Variants in EBF2 observed in about 807,000 individuals in gnomAD.
The protein encoded by EBF2 is EBF transcription factor 2, also known as transcription factor COE2.
In EBF2, 21 loss-of-function variants were observed where a neutral mutation model predicts 72.8. The observed-to-expected ratio is 0.29, with a 90% CI of 0.20 to 0.42. EBF2 has a LOEUF of 0.42. Ranked by LOEUF, EBF2 falls within the 10% of genes least tolerant of loss-of-function variation. The pLI, the probability that EBF2 is intolerant of heterozygous loss-of-function variation, is 1.00. For synonymous variants in EBF2, 299 were observed against 274.2 expected, an observed-to-expected ratio of 1.09 and a Z score of -0.89; for missense variants, 637 against 731.2, an observed-to-expected ratio of 0.87 and a Z score of 1.49.
intron 6 of EBF2, among the ~76,000 whole-genome samples, chr8:26,023,710 C>A (rs1475188812): frequency 6.6e-6 from 1 of 152,144 alleles, no homozygotes; most frequent in Middle Eastern, 3.2e-3. Flanking sequence ...CTGAGCTTCC[C>A]AGTGAACAAA....
At chr8:25,894,832 A>G (rs1354768106) in intron 7 of EBF2, among the ~76,000 whole-genome samples, 2 of 152,198 alleles carry the variant, frequency 1.3e-5, no homozygotes, top group Non-Finnish European at 2.9e-5. Flanking sequence ...TCTGCTTTAA[A>G]AGAAGCAAAT....
chr8:25,946,328 A>G (rs1803768187), intron 6 of EBF2, among the ~76,000 whole-genome samples: 1 of 152,206 alleles, frequency 6.6e-6, no homozygotes, highest in South Asian at 2.1e-4. Flanking sequence ...CAAGACCTAT[A>G]CCTTCTTCAT....
chr8:25,971,387 C>T (rs17054708), intron 6 of EBF2, among the ~76,000 whole-genome samples: 1,593 of 152,190 alleles, frequency 0.01, 11 homozygotes, highest in African/African-American at 0.03. Context: ...TTTAATGCCC[C>T]GTATGAAGGT....
At chr8:25,917,153 A>G (rs1311154385) in intron 6 of EBF2, among the ~76,000 whole-genome samples, 2 of 150,200 alleles carry the variant, frequency 1.3e-5, no homozygotes, top group African/African-American at 4.9e-5. Flanking sequence ...GTTTCTGAGG[A>G]CCTGGGGTTA....
chr8:25,986,241 A>T (rs775503732), intron 6 of EBF2, among the ~76,000 whole-genome samples: 3 of 151,934 alleles, frequency 2.0e-5, no homozygotes, highest in Non-Finnish European at 4.4e-5. Context: ...AATAGCCCCC[A>T]CCTAGAATGC....
chr8:25,873,808 G>C (rs145448445), intron 10 of EBF2, among the ~76,000 whole-genome samples: 4 of 152,340 alleles, frequency 2.6e-5, no homozygotes, highest in Middle Eastern at 3.4e-3. Context: ...CCACAATGGA[G>C]CAGTTATAAA....
chr8:25,927,989 A>T (rs1179916435), intron 6 of EBF2, among the ~76,000 whole-genome samples: 2 of 152,112 alleles, frequency 1.3e-5, no homozygotes, highest in Non-Finnish European at 2.9e-5. Context: ...AAATAGAAAT[A>T]TATATATTAT....
chr8:25,886,977 G>A, intron 9 of EBF2, 96 bp from the exon 10 acceptor site: 1 of 1,383,684 alleles, frequency 7.2e-7, no homozygotes, highest in Non-Finnish European at 9.7e-7. Flanking sequence ...GCTCCCCAGG[G>A]GCTTCTTTCT....
chr8:25,902,741 A>G (rs1200764561), intron 7 of EBF2, among the ~76,000 whole-genome samples: 4 of 152,238 alleles, frequency 2.6e-5, no homozygotes, highest in African/African-American at 9.6e-5. Flanking sequence ...CCCAGGAACC[A>G]ACAGCTCCAT....
chr8:25,883,180 A>G (rs1323768421), intron 10 of EBF2, among the ~76,000 whole-genome samples: 2 of 152,210 alleles, frequency 1.3e-5, no homozygotes, highest in African/African-American at 4.8e-5. Context: ...TTATTTTCAC[A>G]GGTGTATAGG....
intron 6 of EBF2, among the ~76,000 whole-genome samples, chr8:25,996,144 G>C (rs1442701154): frequency 6.6e-6 from 1 of 151,896 alleles, no homozygotes; most frequent in Non-Finnish European, 1.5e-5. Context: ...CTACCAAAAA[G>C]TAAAACAATT....
intron 10 of EBF2, 52 bp downstream of exon 10, chr8:25,886,703 G>T: frequency 6.4e-7 from 1 of 1,563,776 alleles, no homozygotes; most frequent in South Asian, 1.2e-5. Context: ...CTGGGAACTA[G>T]CGCAAAGGCA....
chr8:26,027,435 G>A (rs988006566), intron 6 of EBF2, among the ~76,000 whole-genome samples: 1 of 102,142 alleles, frequency 9.8e-6, no homozygotes, highest in East Asian at 2.9e-4. Context: ...GGTGGAAGAA[G>A]AAAACAAGAG....
At chr8:26,018,036 A>G (rs1018403500) in intron 6 of EBF2, among the ~76,000 whole-genome samples, 1 of 152,038 alleles carries the variant, frequency 6.6e-6, no homozygotes, top group Non-Finnish European at 1.5e-5. Context: ...TACTTCATAG[A>G]AGGAAAAAAA....
intron 6 of EBF2, among the ~76,000 whole-genome samples, chr8:25,950,552 G>C (rs1803844234): frequency 6.6e-6 from 1 of 152,188 alleles, no homozygotes; most frequent in African/African-American, 2.4e-5. Flanking sequence ...CATCAAAGAG[G>C]GGACAAAGGG....
intron 6 of EBF2, among the ~76,000 whole-genome samples, chr8:25,972,708 G>T (rs373366599): frequency 1.3e-5 from 2 of 152,092 alleles, no homozygotes; most frequent in African/African-American, 2.4e-5. Flanking sequence ...CAATGTTCCC[G>T]GGCACTGTGC....
intron 6 of EBF2, among the ~76,000 whole-genome samples, chr8:26,015,351 A>G (rs1274981459): frequency 6.6e-6 from 1 of 152,158 alleles, no homozygotes; most frequent in Non-Finnish European, 1.5e-5. Flanking sequence ...GAATGCATAA[A>G]TCCTCCTCTT....
chr8:25,939,705 C>A (rs989447981), intron 6 of EBF2, among the ~76,000 whole-genome samples: 1 of 152,108 alleles, frequency 6.6e-6, no homozygotes, highest in Non-Finnish European at 1.5e-5. Context: ...TGACCAGGGA[C>A]AAATCACTTA....
In EBF2 at chr8:26,040,608, C is replaced by T. The variant is rs754024515; in HGVS notation, c.408+8G>A. 1.3e-5 allele frequency: 20 copies of T among 1,552,030 alleles called. No individual in the cohort carries two copies. Among genetic ancestry groups the T allele is most frequent in the Non-Finnish European group, 6.1e-6 (7 of 1,147,390 alleles). On this transcript the variant is annotated splice_region_variant and intron_variant, in intron 4 of 15. Coordinates refer to ENST00000520164, the MANE Select transcript of EBF2 (RefSeq NM_022659.4). ...AGGCGAAGAGAAGCCAAGTGGCCTC[C>T]GGCTCACCTGCTTGGTGACCGAGTC...
Sources: gnomAD v4.1 joint callset for allele counts (sites outside exome capture counted in the v4.1 genomes callset) on GRCh38, gnomAD v4.1.1 for gene constraint, MANE v1.5 for transcripts, NCBI Gene and HGNC (gene_info 2026-07-23, HGNC 2026-07-21) for gene names.